The following OSBPL9 variants were observed in gnomAD, a reference collection of about 807,000 sequenced individuals.
The protein encoded by OSBPL9 is oxysterol-binding protein-related protein 9.
A neutral mutation model predicts 106.6 loss-of-function variants in OSBPL9; 40 were observed. The ratio of observed to expected loss-of-function variants is 0.38; its 90% CI spans 0.29 to 0.49. OSBPL9 has a LOEUF of 0.49. Among genes scored for constraint, OSBPL9 ranks in the 20% least tolerant of loss-of-function variants. OSBPL9 has a pLI of 0.97. For synonymous variants in OSBPL9, 269 were observed against 295.4 expected, an observed-to-expected ratio of 0.91 and a Z score of 0.92; for missense variants, 609 against 887.2, an observed-to-expected ratio of 0.69 and a Z score of 3.98.
chr1:51,754,817 T>A (rs2149040833), intron 8 of OSBPL9, among the ~76,000 whole-genome samples: 1 of 152,286 alleles, frequency 6.6e-6, no homozygotes, highest in Non-Finnish European at 1.5e-5. Flanking sequence ...CTCTCATTTT[T>A]TAAGAGATAG....
the OSBPL9 span, among the ~76,000 whole-genome samples, chr1:51,551,753 ATT>A: frequency 0.08 from 11,710 of 146,734 alleles, 517 homozygotes; most frequent in Middle Eastern, 0.11. Context: ...CACCTGGCTA[ATT>A]TTTTTTTTTG....
At chr1:51,597,299 T>A (rs1645304438) in intron 1 of OSBPL9, among the ~76,000 whole-genome samples, 1 of 152,106 alleles carries the variant, frequency 6.6e-6, no homozygotes, top group African/African-American at 2.4e-5. Flanking sequence ...AAGGTCACTT[T>A]AGCTGCTGTG....
At chr1:51,544,941 TCAAG>T in the OSBPL9 span, among the ~76,000 whole-genome samples, 1 of 144,262 alleles carries the variant, frequency 6.9e-6, no homozygotes, top group Non-Finnish European at 1.5e-5. Flanking sequence ...CCTCCCAGGC[TCAAG>T]CAATTCTCCT....
intron 18 of OSBPL9, 46 bp from the exon 19 acceptor site, chr1:51,784,218 G>A (rs371463216): frequency 1.9e-6 from 3 of 1,581,772 alleles, no homozygotes; most frequent in Non-Finnish European, 2.6e-6. Context: ...AAGCCTTGTG[G>A]CCACTTGGCA....
At chr1:51,672,843 G>C (rs1650231100) in intron 3 of OSBPL9, among the ~76,000 whole-genome samples, 1 of 152,198 alleles carries the variant, frequency 6.6e-6, no homozygotes, top group Admixed American at 6.5e-5. Flanking sequence ...TGAGGGAAAT[G>C]TGGGCATCAG....
intron 21 of OSBPL9, 142 bp downstream of exon 21, chr1:51,786,028 G>A (rs1571800880): frequency 4.3e-6 from 3 of 701,564 alleles, no homozygotes; most frequent in South Asian, 3.3e-5. Context: ...GACAGCTCCA[G>A]TGTATGTCAT....
rs1304856837 is a variant in OSBPL9, at chr1:51,789,113, G to C, written c.*1324G>C. Reference sequence around the variant, plus strand: ...ACAAAGGATAAAAAGTAAATCAAATGCTATGATGCCAGTGCAAAACTTCAA... The same window carrying C: ...ACAAAGGATAAAAAGTAAATCAAATCCTATGATGCCAGTGCAAAACTTCAA... On this transcript the variant is annotated 3_prime_UTR_variant, in exon 24 of 24. Coordinates refer to ENST00000428468, the MANE Select transcript of OSBPL9 (RefSeq NM_024586.6). The C allele has an allele frequency of 2.3e-6, 2 of 872,980 alleles. No individual in the cohort carries two copies. Among genetic ancestry groups the C allele is most frequent in the Non-Finnish European group, 3.7e-6 (2 of 541,624 alleles). 54.1% of individuals were successfully genotyped at this position (872,980 alleles called of 1,614,324 possible).
intron 11 of OSBPL9, among the ~76,000 whole-genome samples, chr1:51,762,811 T>C (rs888553587): frequency 2.6e-5 from 4 of 152,242 alleles, no homozygotes; most frequent in Non-Finnish European, 5.9e-5. Context: ...GCATTCTTTT[T>C]ACAGCTGCCT....
chr1:51,584,397 A>G (rs1044192812), intron 1 of OSBPL9, among the ~76,000 whole-genome samples: 5 of 152,170 alleles, frequency 3.3e-5, no homozygotes, highest in African/African-American at 9.7e-5. Context: ...CATCTGTACA[A>G]TGAAAGGGTT....
chr1:51,636,586 G>C (rs1456121034), intron 1 of OSBPL9, among the ~76,000 whole-genome samples: 1 of 151,796 alleles, frequency 6.6e-6, no homozygotes, highest in African/African-American at 2.4e-5. Context: ...AATCCTCCTG[G>C]CTCGGCCTCC....
rs571896564 is a variant in OSBPL9, at chr1:51,578,479, CAT to C, written c.-423+1225_-423+1226del. 6.1e-3 allele frequency among the ~76,000 whole-genome samples: 929 copies of C among 152,246 alleles called. 9 individuals are homozygous for C. Among genetic ancestry groups the C allele is most frequent in the African/African-American group, 0.021 (867 of 41,530 alleles). ...CTTTTCACATTTTTTCTCTTAACAT[CAT>C]AACATCATGAAAGGCTCAAGCCAGA... On this transcript the variant is annotated intron_variant, in intron 1 of 25. Transcript: ENST00000371714.
At chr1:51,697,828 C>T (rs577233092) in intron 3 of OSBPL9, among the ~76,000 whole-genome samples, 3 of 149,522 alleles carry the variant, frequency 2.0e-5, no homozygotes, top group South Asian at 4.3e-4. Context: ...TTCCTCTGTG[C>T]ACCTTATATT....
intron 3 of OSBPL9, among the ~76,000 whole-genome samples, chr1:51,705,455 C>T (rs2148866668): frequency 8.8e-6 from 1 of 113,954 alleles, no homozygotes; most frequent in African/African-American, 3.5e-5. Context: ...CTCTTGTTGC[C>T]CAGGCTGGAG....
chr1:51,530,205 A>AAAAAAAAAAAAG, the OSBPL9 span, among the ~76,000 whole-genome samples: 1 of 139,890 alleles, frequency 7.1e-6, no homozygotes, highest in African/African-American at 2.6e-5. Flanking sequence ...AAAAAAAAAA[A>AAAAAAAAAAAAG]CCTCTAAGAA....
chr1:51,539,457 A>G, the OSBPL9 span, among the ~76,000 whole-genome samples: 1 of 152,080 alleles, frequency 6.6e-6, no homozygotes, highest in Non-Finnish European at 1.5e-5. Flanking sequence ...AAGCCTCATA[A>G]CTGGCCTCCC....
chr1:51,712,301 C>T (rs919815200), intron 3 of OSBPL9, among the ~76,000 whole-genome samples: 2 of 152,226 alleles, frequency 1.3e-5, no homozygotes, highest in South Asian at 2.1e-4. Flanking sequence ...ACTCGGCAGG[C>T]TGAGGCAGGA....
At chr1:51,571,071 C>T in the OSBPL9 span, among the ~76,000 whole-genome samples, 3 of 152,136 alleles carry the variant, frequency 2.0e-5, no homozygotes, top group Non-Finnish European at 2.9e-5. Flanking sequence ...TCACCACACC[C>T]GGCTGGGTCC....
chr1:51,681,949 C>G (rs1195149891), intron 3 of OSBPL9, among the ~76,000 whole-genome samples: 2 of 152,174 alleles, frequency 1.3e-5, no homozygotes, highest in Non-Finnish European at 2.9e-5. Context: ...CGCCTGTAAT[C>G]CCAGCACTTT....
At position 51,741,390 on chromosome 1, in the gene OSBPL9, TCTCCTTCC is replaced by T. The variant is rs984921760; in HGVS notation, c.319-4133_319-4126del. On this transcript the variant is annotated intron_variant, in intron 4 of 23. Coordinates refer to ENST00000428468, the MANE Select transcript of OSBPL9 (RefSeq NM_024586.6). ...CTTCTTTTCTTTCTCTCTTTCCCTC[TCTCCTTCC>T]CTCCTTCCCTCCCTCCCTTCCTTCC... Among the ~76,000 whole-genome samples the T allele has an allele frequency of 6.6e-5, 10 of 151,526 alleles. No homozygotes were observed. In the South Asian group the frequency reaches 8.3e-4, roughly 13 times the overall value.
Sources: allele counts gnomAD v4.1 joint callset (sites outside exome capture counted in the v4.1 genomes callset), GRCh38; gene constraint gnomAD v4.1.1; transcripts MANE v1.5; gene names NCBI Gene and HGNC (gene_info 2026-07-23, HGNC 2026-07-21).